SVOPL: variants seen among roughly 807,000 people sequenced by gnomAD.
SVOPL encodes the protein SVOP like.
In SVOPL, 60 loss-of-function variants were observed where a neutral mutation model predicts 61.0. The observed-to-expected ratio is 0.98, with a 90% confidence interval of 0.80 to 1.22. The LOEUF (loss-of-function observed/expected upper bound fraction) is 1.22, where lower values mean the gene tolerates loss of function less well. Ranked by LOEUF, SVOPL falls within the 50% of genes most tolerant of loss-of-function variation. SVOPL has a pLI of 0.00. For synonymous variants in SVOPL, 279 were observed against 250.0 expected (o/e 1.12, Z -1.09); for missense variants, 662 against 643.9 (o/e 1.03, Z -0.30).
chr7:138,652,616 CTTT>C (rs80311372), intron 7 of SVOPL, among the ~76,000 whole-genome samples: 1 of 151,468 alleles, frequency 6.6e-6, no homozygotes, highest in Non-Finnish European at 1.5e-5. Flanking sequence ...AGGAAAAGTT[CTTT>C]TTTTTTTTCT....
intron 1 of SVOPL, among the ~76,000 whole-genome samples, chr7:138,699,911 A>AG (rs1477204781): frequency 1.1e-4 from 17 of 152,172 alleles, no homozygotes; most frequent in Non-Finnish European, 1.2e-4. Context: ...ATTTGCCAAG[A>AG]GGGGGAAGAA....
chr7:138,677,773 T>C (rs1040148383), intron 3 of SVOPL, among the ~76,000 whole-genome samples: 6 of 151,360 alleles, frequency 4.0e-5, no homozygotes, highest in Non-Finnish European at 7.4e-5. Context: ...TTTATTATTT[T>C]TTTTTTTGAG....
At chr7:138,692,397 C>G (rs907419624) in intron 1 of SVOPL, among the ~76,000 whole-genome samples, 7 of 152,202 alleles carry the variant, frequency 4.6e-5, no homozygotes, top group South Asian at 4.2e-4. Context: ...AGCATGAATT[C>G]CATTCTATAG....
chr7:138,664,394 G>A (rs1472214541), intron 4 of SVOPL, among the ~76,000 whole-genome samples: 3 of 143,254 alleles, frequency 2.1e-5, no homozygotes, highest in Admixed American at 6.9e-5. Context: ...CATCGGGCAC[G>A]CCTCTGACCC....
intron 14 of SVOPL, among the ~76,000 whole-genome samples, chr7:138,616,905 G>A (rs1382313622): frequency 6.6e-6 from 1 of 152,176 alleles, no homozygotes; most frequent in African/African-American, 2.4e-5. Flanking sequence ...TCACACTTCA[G>A]CCTCCTGAGT....
chr7:138,668,330 GCT>G (rs1802327091), intron 4 of SVOPL, among the ~76,000 whole-genome samples: 1 of 152,148 alleles, frequency 6.6e-6, no homozygotes, highest in Non-Finnish European at 1.5e-5. Context: ...CACACAGCCA[GCT>G]CTGTGGGAAT....
intron 1 of SVOPL, chr7:138,688,924 G>A (rs1435028939): frequency 2.2e-5 from 11 of 494,986 alleles, no homozygotes; most frequent in Middle Eastern, 6.6e-4. Flanking sequence ...GATGTAATTC[G>A]TTAAGATAAA....
chr7:138,673,053 CATT>C (rs1802470258), intron 3 of SVOPL, among the ~76,000 whole-genome samples: 2 of 151,902 alleles, frequency 1.3e-5, no homozygotes, highest in African/African-American at 2.4e-5. Context: ...ACACTGACAT[CATT>C]GACAGGGACA....
intron 9 of SVOPL, among the ~76,000 whole-genome samples, chr7:138,633,983 G>T (rs1330799184): frequency 6.6e-6 from 1 of 152,174 alleles, no homozygotes; most frequent in Non-Finnish European, 1.5e-5. Context: ...AGGATTCAGG[G>T]CATGGGTAGC....
chr7:138,602,441 C>CTATATATATATATATATATATA (rs59400217), intron 14 of SVOPL, among the ~76,000 whole-genome samples: 27 of 140,722 alleles, frequency 1.9e-4, no homozygotes, highest in African/African-American at 3.6e-4. Flanking sequence ...AAGGCAGTTG[C>CTATATATATATATATATATATA]TATATATATA....
intron 14 of SVOPL, among the ~76,000 whole-genome samples, chr7:138,598,432 C>T (rs143177447): frequency 6.6e-6 from 1 of 152,312 alleles, no homozygotes; most frequent in East Asian, 1.9e-4. Flanking sequence ...TATTAGACAG[C>T]AAATCAGCAT....
At chr7:138,628,531 C>T (rs1038382021) in intron 10 of SVOPL, among the ~76,000 whole-genome samples, 168 bp from the exon 11 acceptor site, 1 of 152,192 alleles carries the variant, frequency 6.6e-6, no homozygotes, top group African/African-American at 2.4e-5. Context: ...ACACATCATA[C>T]AGATGTACAC....
At chr7:138,602,919 G>A (rs1798592257) in intron 14 of SVOPL, among the ~76,000 whole-genome samples, 1 of 152,036 alleles carries the variant, frequency 6.6e-6, no homozygotes, top group Admixed American at 6.6e-5. Context: ...TTATCCATCT[G>A]CCTCTGCAGG....
At chr7:138,663,240 C>G in intron 4 of SVOPL, 95 bp from the exon 5 acceptor site, 2 of 1,543,656 alleles carry the variant, frequency 1.3e-6, no homozygotes, top group South Asian at 1.2e-5. Context: ...GCTGGAAATA[C>G]GGGAGGGATG....
chr7:138,697,067 T>C (rs1803078954), intron 1 of SVOPL, among the ~76,000 whole-genome samples: 1 of 152,124 alleles, frequency 6.6e-6, no homozygotes, highest in South Asian at 2.1e-4. Context: ...GCCATTGAAA[T>C]GTTCATTTTA....
At chr7:138,680,168 C>CTTT (rs1232394704) in intron 1 of SVOPL, among the ~76,000 whole-genome samples, 13 of 135,278 alleles carry the variant, frequency 9.6e-5, no homozygotes, top group Non-Finnish European at 1.4e-4. Flanking sequence ...ATGTCATTGT[C>CTTT]TTTTTTTTTT....
intron 9 of SVOPL, among the ~76,000 whole-genome samples, chr7:138,643,347 C>A (rs1185036266): frequency 1.3e-5 from 2 of 148,590 alleles, no homozygotes; most frequent in South Asian, 4.2e-4. Flanking sequence ...ATTGCTTGAA[C>A]CAGGGAGTCG....
At chr7:138,641,814 T>TTTTATATATATATATATATA (rs765128177) in intron 9 of SVOPL, among the ~76,000 whole-genome samples, 1 of 120,972 alleles carries the variant, frequency 8.3e-6, no homozygotes, top group Non-Finnish European at 1.7e-5. Context: ...TATATATATG[T>TTTTATATATATATATATATA]TATATATATA....
chr7:138,596,322 G>T, intron 15 of SVOPL, 95 bp downstream of exon 15: 2 of 972,650 alleles, frequency 2.1e-6, no homozygotes, highest in Non-Finnish European at 1.5e-6. Flanking sequence ...TGAATTATTA[G>T]TTATTTTAAC....
Sources: allele counts gnomAD v4.1 joint callset (sites outside exome capture counted in the v4.1 genomes callset), GRCh38; gene constraint gnomAD v4.1.1; transcripts MANE v1.5; gene names NCBI Gene and HGNC (gene_info 2026-07-23, HGNC 2026-07-21).